TLR6: variants seen among roughly 807,000 people sequenced by gnomAD.
The protein encoded by TLR6 is toll-like receptor 6.
A neutral mutation model predicts 16.1 loss-of-function variants in TLR6; 9 were observed. The observed-to-expected ratio is 0.56, with a 90% CI of 0.34 to 0.98. The LOEUF (loss-of-function observed/expected upper bound fraction) is 0.98. TLR6 is among the 50% of genes least tolerant of loss of function. The probability of loss-of-function intolerance (pLI) is 0.02; values close to 1 mark genes in which losing one functional copy is unlikely to be tolerated. For synonymous variants in TLR6, 340 were observed against 338.6 expected, an observed-to-expected ratio of 1.00 and a Z score of -0.04; for missense variants, 786 against 921.0, an observed-to-expected ratio of 0.85 and a Z score of 1.90.
chr4:38,833,348 G>A (rs1292363343), intron 1 of TLR6, among the ~76,000 whole-genome samples: 1 of 152,218 alleles, frequency 6.6e-6, no homozygotes, highest in African/African-American at 2.4e-5. Flanking sequence ...GAACAGGCCT[G>A]CCTGGTGTCC....
upstream of TLR6, among the ~76,000 whole-genome samples, chr4:38,859,373 A>G (rs1713145424): frequency 1.3e-5 from 2 of 152,146 alleles, no homozygotes; most frequent in South Asian, 4.1e-4. Flanking sequence ...TAGCCTCCAG[A>G]ACTCTGAGAG....
At chr4:38,864,566 A>G in the TLR6 span, among the ~76,000 whole-genome samples, 9 of 152,272 alleles carry the variant, frequency 5.9e-5, no homozygotes, top group East Asian at 7.7e-4. Context: ...TTTGAAATGA[A>G]TGTGCTAGAG....
intron 1 of TLR6, among the ~76,000 whole-genome samples, chr4:38,844,994 G>A (rs932965354): frequency 4.6e-5 from 7 of 152,180 alleles, no homozygotes; most frequent in Non-Finnish European, 7.3e-5. Context: ...GGGAGGCGGA[G>A]GTTGCAGTGA....
exon 2 of TLR6, chr4:38,823,751 C>T (rs955417606): frequency 5.3e-5 from 8 of 152,146 alleles, no homozygotes; most frequent in Non-Finnish European, 1.2e-4. Flanking sequence ...CTCCCAGAAA[C>T]GACGGCAGGG....
chr4:38,849,082 G>T (rs941013550), intron 1 of TLR6, among the ~76,000 whole-genome samples: 1 of 152,244 alleles, frequency 6.6e-6, no homozygotes, highest in East Asian at 1.9e-4. Flanking sequence ...CTGATCTCTC[G>T]GCAGAAACTC....
At chr4:38,850,923 A>G (rs911239667) in intron 1 of TLR6, among the ~76,000 whole-genome samples, 9 of 152,184 alleles carry the variant, frequency 5.9e-5, no homozygotes, top group Non-Finnish European at 1.3e-4. Context: ...CAGAGACACA[A>G]CAAAAAAAGA....
rs1727569571 is a variant in TLR6, at chr4:38,826,986, G to C, written c.*97C>G. ...TGTTAAGTCTTTCCTGAAGGCATGA[G>C]GATAATGGAGGCACCTCCAGACAGT... On this transcript the variant is annotated 3_prime_UTR_variant, in exon 2 of 2. Transcript: ENST00000436693. 3.0e-5 allele frequency: 29 copies of C among 975,324 alleles called. 1 individual carries two copies. In the South Asian group the frequency reaches 5.2e-4, roughly 18 times the overall value. The allele number at this position is 975,324 out of a possible 1,614,324, so 60.4% of individuals were successfully genotyped here. A position where few individuals can be genotyped will look rare whatever the true frequency, so the allele number is the denominator to read the frequency against.
rs950118577 is a variant in TLR6, at chr4:38,841,361, C to T, written c.-64-11824G>A. On this transcript the variant is annotated intron_variant, in intron 1 of 1. Transcript: ENST00000436693. ...ATCCCAGCACTTTGGGAGGCCACAG[C>T]GGGCAGATGGCTTGAGCTCTGGGGT... 3.9e-5 allele frequency among the ~76,000 whole-genome samples: 6 copies of T among 152,102 alleles called. No individual in the cohort carries two copies. The East Asian group carries it at 9.6e-4, about 24-fold the overall frequency.
At chr4:38,841,046 T>TG (rs1417238588) in intron 1 of TLR6, among the ~76,000 whole-genome samples, 2 of 152,204 alleles carry the variant, frequency 1.3e-5, no homozygotes, top group East Asian at 1.9e-4. Flanking sequence ...TAATTTTTTT[T>TG]GGGGGGTGGG....
chr4:38,823,588 T>C (rs1727406775), downstream of TLR6: 1 of 152,252 alleles, frequency 6.6e-6, no homozygotes. Flanking sequence ...CTTACCAAAT[T>C]GTGGCATTGG....
chr4:38,861,379 C>A (rs1713190463), upstream of TLR6, among the ~76,000 whole-genome samples: 1 of 152,128 alleles, frequency 6.6e-6, no homozygotes. Context: ...TCATTATTAG[C>A]AATGGCTGCA....
exon 2 of TLR6, chr4:38,827,119 T>C: frequency 6.2e-7 from 1 of 1,603,708 alleles, no homozygotes; most frequent in Non-Finnish European, 8.5e-7. Context: ...TGACTAGTGT[T>C]AATTTCATAT....
At chr4:38,837,559 A>G (rs1275867060) in intron 1 of TLR6, among the ~76,000 whole-genome samples, 1 of 152,218 alleles carries the variant, frequency 6.6e-6, no homozygotes, top group African/African-American at 2.4e-5. Context: ...GTAAGAATGA[A>G]ACTAGACCCC....
rs895654379 is a variant in TLR6, at chr4:38,824,699, C to T, written c.*2384G>A. 3.3e-5 allele frequency: 5 copies of T among 152,190 alleles called. No homozygotes were observed. The East Asian group carries it at 5.8e-4, about 18-fold the overall frequency. 9.4% of individuals were successfully genotyped at this position (152,190 alleles called of 1,614,324 possible). A position where few individuals can be genotyped will look rare whatever the true frequency, so the allele number is the denominator to read the frequency against. On this transcript the variant is annotated 3_prime_UTR_variant, in exon 2 of 2. Transcript: ENST00000436693. Reference sequence around the variant, plus strand: ...CCTAGGGAGGAAAACAAATGTTGTTCTCCTGAAGAGCAAGGAAGGGCTAAT... The same window carrying T: ...CCTAGGGAGGAAAACAAATGTTGTTTTCCTGAAGAGCAAGGAAGGGCTAAT...
upstream of TLR6, among the ~76,000 whole-genome samples, chr4:38,859,099 G>C (rs1389643980): frequency 1.3e-5 from 2 of 152,226 alleles, no homozygotes; most frequent in African/African-American, 4.8e-5. Flanking sequence ...AATCGTTCCA[G>C]CTTGCACTGC....
At chr4:38,858,670 A>G (rs1713084660), upstream of TLR6, among the ~76,000 whole-genome samples, 1 of 151,358 alleles carries the variant, frequency 6.6e-6, no homozygotes, top group African/African-American at 2.4e-5. Flanking sequence ...CAGAGAGCTG[A>G]GATTGTGCCA....
intron 1 of TLR6, among the ~76,000 whole-genome samples, chr4:38,836,051 G>A (rs912572352): frequency 2.6e-5 from 4 of 151,938 alleles, no homozygotes; most frequent in African/African-American, 7.2e-5. Context: ...ACCTAACAAC[G>A]AACCTCAAGG....
At chr4:38,831,327 T>C (rs1224693677) in intron 1 of TLR6, among the ~76,000 whole-genome samples, 5 of 151,638 alleles carry the variant, frequency 3.3e-5, no homozygotes, top group African/African-American at 1.2e-4. Flanking sequence ...AGAAAGAATT[T>C]AGACGCAGAC....
intron 1 of TLR6, among the ~76,000 whole-genome samples, chr4:38,831,868 G>C (rs1404044091): frequency 6.6e-6 from 1 of 152,244 alleles, no homozygotes; most frequent in African/African-American, 2.4e-5. Context: ...ATGTTGGTGA[G>C]GATGTGGAGC....
Sources: allele counts gnomAD v4.1 joint callset (sites outside exome capture counted in the v4.1 genomes callset), GRCh38; gene constraint gnomAD v4.1.1; transcripts MANE v1.5; gene names NCBI Gene and HGNC (gene_info 2026-07-23, HGNC 2026-07-21).